The following PPP2R2C variants were observed in gnomAD, a reference collection of about 807,000 sequenced individuals.
PPP2R2C encodes protein phosphatase 2, regulatory subunit B, gamma.
In PPP2R2C, 10 loss-of-function variants were observed where a neutral mutation model predicts 45.3. That is an observed-to-expected ratio of 0.22 (90% CI 0.14 to 0.37). The LOEUF (loss-of-function observed/expected upper bound fraction) is 0.37, where lower values mean the gene tolerates loss of function less well. Ranked by LOEUF, PPP2R2C falls within the 10% of genes least tolerant of loss-of-function variation. The pLI is 1.00. For synonymous variants in PPP2R2C, 257 were observed against 245.4 expected (o/e 1.05, Z -0.44); for missense variants, 308 against 619.7 (o/e 0.50, Z 5.34).
chr4:6,530,550 A>G (rs1724362385), intron 2 of PPP2R2C, among the ~76,000 whole-genome samples: 1 of 151,994 alleles, frequency 6.6e-6, no homozygotes, highest in African/African-American at 2.4e-5. Context: ...GTCACCCACC[A>G]CGCAACTGAA....
chr4:6,347,762 C>A, intron 6 of PPP2R2C, 84 bp downstream of exon 6: 1 of 1,462,550 alleles, frequency 6.8e-7, no homozygotes, highest in Non-Finnish European at 9.1e-7. Context: ...CCCACCACCC[C>A]TGCAGCAGCT....
intron 1 of PPP2R2C, among the ~76,000 whole-genome samples, chr4:6,551,825 C>T (rs1399747565): frequency 1.3e-5 from 2 of 152,212 alleles, no homozygotes; most frequent in African/African-American, 2.4e-5. Context: ...CAAGCGACCT[C>T]GGTGTAGGCA....
Position 6,349,106 on chromosome 4 carries a change from A to G in PPP2R2C, c.626-1096T>C, listed in dbSNP as rs1185537224. 5.1e-6 allele frequency: 5 copies of G among 985,004 alleles called. No homozygotes were observed. The East Asian group carries it at 5.7e-4, about 112-fold the overall frequency. The allele number at this position is 985,004 out of a possible 1,614,324, so 61.0% of individuals were successfully genotyped here. On this transcript the variant is annotated intron_variant, in intron 5 of 8. Coordinates refer to ENST00000382599, the MANE Select transcript of PPP2R2C (RefSeq NM_020416.4). Reference sequence around the variant, plus strand: ...GAGCATGCAAGGACTGGCACCCCCGAGCTTCTCTCCGGCTTTCCAGCTTCA... The same window carrying G: ...GAGCATGCAAGGACTGGCACCCCCGGGCTTCTCTCCGGCTTTCCAGCTTCA...
intron 5 of PPP2R2C, chr4:6,350,510 G>A (rs563984622): frequency 9.2e-5 from 91 of 985,318 alleles, no homozygotes; most frequent in Non-Finnish European, 1.0e-4. Context: ...GCCCAGGAAC[G>A]TGAGTCCCAC....
At chr4:6,502,929 G>A (rs1723105780) in intron 2 of PPP2R2C, among the ~76,000 whole-genome samples, 1 of 151,948 alleles carries the variant, frequency 6.6e-6, no homozygotes, top group Non-Finnish European at 1.5e-5. Context: ...GGCCGCTATT[G>A]CCACCTGCAC....
rs192571020 is a variant in PPP2R2C at position 6,377,513 on chromosome 4, G to T, written c.334+894C>A. On this transcript the variant is annotated intron_variant, in intron 3 of 8. Transcript: ENST00000382599. ...TCTCTACTAAAAAATACAAAAATTA[G>T]CTGGGCATGGTGTTGGACGCCTGTA... Among the ~76,000 whole-genome samples, 667 of 152,274 alleles carry T rather than the reference G, an allele frequency of 4.4e-3. No homozygotes were observed. The Middle Eastern group carries it at 0.051, about 12-fold the overall frequency.
chr4:6,514,002 G>C (rs1055753254), intron 2 of PPP2R2C, among the ~76,000 whole-genome samples: 1 of 152,140 alleles, frequency 6.6e-6, no homozygotes, highest in African/African-American at 2.4e-5. Context: ...ATACAGATGG[G>C]GTGTATAATT....
intron 5 of PPP2R2C, among the ~76,000 whole-genome samples, chr4:6,369,713 C>A (rs1714647106): frequency 6.6e-6 from 1 of 152,192 alleles, no homozygotes; most frequent in Non-Finnish European, 1.5e-5. Flanking sequence ...GCCCAGGGAG[C>A]TTCCTACCGA....
chr4:6,524,244 G>C (rs927963813), intron 2 of PPP2R2C, among the ~76,000 whole-genome samples: 6 of 152,036 alleles, frequency 3.9e-5, no homozygotes, highest in Non-Finnish European at 1.5e-5. Context: ...GTTCTAATGC[G>C]AGCTACATCC....
chr4:6,323,219 C>T lies in PPP2R2C; in HGVS notation c.*83G>A. 1 of 1,477,240 alleles carries T rather than the reference C, an allele frequency of 6.8e-7. No individual in the cohort carries two copies. The highest frequency in any genetic ancestry group is 9.2e-7 in the Non-Finnish European group (1 of 1,089,214). 91.5% of individuals were successfully genotyped at this position (1,477,240 alleles called of 1,614,324 possible). A position where few individuals can be genotyped will look rare whatever the true frequency, so the allele number is the denominator to read the frequency against. ...CCTCATCAGTGCTGTGACTTTCTTC[C>T]CCTCCTTGCATTGCGGTCGTGAAGG... On this transcript the variant is annotated 3_prime_UTR_variant, in exon 9 of 9. Transcript: ENST00000382599.
intron 2 of PPP2R2C, among the ~76,000 whole-genome samples, chr4:6,480,140 C>T (rs1722300314): frequency 6.6e-6 from 1 of 152,154 alleles, no homozygotes; most frequent in African/African-American, 2.4e-5. Context: ...GTAGTGCTTT[C>T]TTCCTATTTA....
intron 1 of PPP2R2C, among the ~76,000 whole-genome samples, chr4:6,425,031 A>G (rs55728096): frequency 0.26 from 39,593 of 151,856 alleles, 5,728 homozygotes; most frequent in Admixed American, 0.42. Context: ...GGTGTGGGCA[A>G]AGAGCTTAGC....
chr4:6,383,827 A>G lies in PPP2R2C; in HGVS notation c.71-2733T>C, dbSNP rs77706343. On this transcript the variant is annotated intron_variant, in intron 1 of 8. Transcript: ENST00000382599. ...TGTATGCAGTAGCCAGGCCAGAGAT[A>G]TCTATCCAAGAAATGCCTTTTCTTT... 6.4e-3 allele frequency: 6,334 copies of G among 993,576 alleles called. 314 individuals are homozygous for G. The African/African-American group carries it at 0.098, about 15-fold the overall frequency. The allele number at this position is 993,576 out of a possible 1,614,324, so 61.5% of individuals were successfully genotyped here.
intron 2 of PPP2R2C, among the ~76,000 whole-genome samples, chr4:6,482,007 A>T (rs933779122): frequency 2.7e-5 from 4 of 147,416 alleles, no homozygotes; most frequent in Non-Finnish European, 4.5e-5. Flanking sequence ...AAAAAAAAGT[A>T]AAAAGGAAAT....
intron 2 of PPP2R2C, among the ~76,000 whole-genome samples, chr4:6,511,597 ATGGGGGTGGTGG>A (rs1560594067): frequency 0.013 from 16 of 1,250 alleles, 2 homozygotes; most frequent in African/African-American, 0.044. Context: ...GGTGGTGGTG[ATGGGGGTGGTGG>A]TGGTGGTGAT....
At chr4:6,433,734 A>C (rs1719745952) in intron 1 of PPP2R2C, among the ~76,000 whole-genome samples, 1 of 152,214 alleles carries the variant, frequency 6.6e-6, no homozygotes, top group Admixed American at 6.5e-5. Context: ...GAATTGACTC[A>C]GTTCATCCTC....
intron 1 of PPP2R2C, among the ~76,000 whole-genome samples, chr4:6,463,696 T>A (rs1395479448): frequency 6.6e-6 from 1 of 152,206 alleles, no homozygotes; most frequent in Non-Finnish European, 1.5e-5. Context: ...ACACCGTTCC[T>A]CCTGCCCAGA....
Position 6,345,150 on chromosome 4 carries a change from C to T in PPP2R2C, c.790+2696G>A, listed in dbSNP as rs1711720357. 6.6e-6 allele frequency among the ~76,000 whole-genome samples: 1 copy of T among 152,222 alleles called. No homozygotes were observed. Among genetic ancestry groups the T allele is most frequent in the Non-Finnish European group, 1.5e-5 (1 of 68,046 alleles). On this transcript the variant is annotated intron_variant, in intron 6 of 8. Transcript: ENST00000382599. The surrounding 1 kb of genome is among the most constrained non-coding windows in gnomAD (Gnocchi z 5.3). ...CAACAGGGTGCCAATGAAGCCCCAT[C>T]CTCCTTCCCACAGGGCTCACACGGG...
At chr4:6,406,632 C>T (rs1355025403) in intron 1 of PPP2R2C, among the ~76,000 whole-genome samples, 1 of 152,080 alleles carries the variant, frequency 6.6e-6, no homozygotes, top group Non-Finnish European at 1.5e-5. Context: ...TGGCACGCAC[C>T]TGTAATCTCA....
Sources: gnomAD v4.1 joint callset for allele counts (sites outside exome capture counted in the v4.1 genomes callset) on GRCh38, gnomAD v4.1.1 for gene constraint, Gnocchi (gnomAD v3.1) non-coding constraint, MANE v1.5 for transcripts, NCBI Gene and HGNC (gene_info 2026-07-23, HGNC 2026-07-21) for gene names.